CHD8: variants seen among roughly 807,000 people sequenced by gnomAD.
The protein encoded by CHD8 is chromodomain helicase DNA binding protein 8.
CHD8 carries 31 observed loss-of-function variants against 279.2 expected under a neutral mutation model. The ratio of observed to expected loss-of-function variants is 0.11; its 90% CI spans 0.08 to 0.15. CHD8 has a LOEUF of 0.15. CHD8 is among the 10% of genes least tolerant of loss of function. CHD8 has a pLI of 1.00. For synonymous variants in CHD8, 1,081 were observed against 1,139.6 expected (o/e 0.95, Z 1.04); for missense variants, 2,146 against 3,230.5 (o/e 0.66, Z 8.14).
chr14:21,445,634 A>C lies in CHD8; in HGVS notation c.-216+10398T>G, dbSNP rs1324526610. On this transcript the variant is annotated intron_variant, in intron 1 of 37. Transcript: ENST00000646647. ...AATCCAGTAGGCAGAGGCTGCAGTG[A>C]GGCAAAATCGTGCCACTGCACTCCA... Among the ~76,000 whole-genome samples the C allele has an allele frequency of 7.9e-5, 11 of 138,674 alleles. No homozygotes were observed. In the Admixed American group the frequency reaches 8.6e-4, roughly 11 times the overall value. The allele number at this position is 138,674 out of a possible 152,430, so 91.0% of individuals were successfully genotyped here. A position where few individuals can be genotyped will look rare whatever the true frequency, so the allele number is the denominator to read the frequency against.
chr14:21,386,823 C>A (rs1012083328), intron 37 of CHD8, among the ~76,000 whole-genome samples: 1 of 140,250 alleles, frequency 7.1e-6, no homozygotes, highest in East Asian at 2.1e-4. Context: ...TGAGCGACAG[C>A]GAGACTCCGT....
intron 37 of CHD8, among the ~76,000 whole-genome samples, chr14:21,386,535 CA>C (rs1227587303): frequency 6.6e-6 from 1 of 152,132 alleles, no homozygotes; most frequent in East Asian, 1.9e-4. Context: ...TTAGTAAATG[CA>C]CATAAAAAAA....
Position 21,431,865 on chromosome 14 carries a change from T to C in CHD8, c.-215-7A>G. On this transcript the variant is annotated splice_polypyrimidine_tract_variant and splice_region_variant and intron_variant, in intron 1 of 37. Coordinates refer to ENST00000646647, the MANE Select transcript of CHD8 (RefSeq NM_001170629.2). Reference sequence around the variant, plus strand: ...GAGGAAGATGGTGGAACTCCTGTTGTAGGAATACAAATACAAATGAAAAAT... The same window carrying C: ...GAGGAAGATGGTGGAACTCCTGTTGCAGGAATACAAATACAAATGAAAAAT... 1 of 1,596,420 alleles carries C rather than the reference T, an allele frequency of 6.3e-7. No individual in the cohort carries two copies. Among genetic ancestry groups the C allele is most frequent in the Non-Finnish European group, 8.6e-7 (1 of 1,163,888 alleles).
In CHD8 at chr14:21,385,765, G is replaced by C; in HGVS notation, c.7594C>G (p.Pro2532Ala). Residue 2532 changes from proline (P) to alanine (A), a missense_variant, in exon 38 of 38, where the codon CCA (proline) becomes GCA (alanine). Pro to Ala is a conservative substitution (Grantham distance 27, BLOSUM62 -1). Around this residue, in one of 26 missense-constraint regions of CHD8, gnomAD observed 336 missense variants for 392.9 expected, o/e 0.86. Transcript: ENST00000646647. ...TCATCCTCCTCAGGTTGCAGTGGTGGCAACCGCAAGGTAGTACCAGAGGCG... is the reference window on the plus strand; with the variant it reads ...TCATCCTCCTCAGGTTGCAGTGGTGCCAACCGCAAGGTAGTACCAGAGGCG... ...TTASGTTLRL[P>A]PLQPEEDDDE... 2 of 1,550,320 alleles carry C rather than the reference G, an allele frequency of 1.3e-6. No individual in the cohort carries two copies. The highest frequency in any genetic ancestry group is 1.7e-6 in the Non-Finnish European group (2 of 1,146,778).
In CHD8 at chr14:21,403,227, C is replaced by T. The variant is rs1469659113; in HGVS notation, c.3519-15G>A. On this transcript the variant is annotated splice_polypyrimidine_tract_variant and intron_variant, in intron 17 of 37. Transcript: ENST00000646647. This position sits in a 1 kb window ranked among gnomAD's most constrained non-coding sequence, Gnocchi z 4.3. ...CATATAAGTACCTGTATGGGAATCGCAGAAAAAAAATGTAAGTGGCTAAGC... is the reference window on the plus strand; with the variant it reads ...CATATAAGTACCTGTATGGGAATCGTAGAAAAAAAATGTAAGTGGCTAAGC... 1 of 1,605,480 alleles carries T rather than the reference C, an allele frequency of 6.2e-7. No individual in the cohort carries two copies. The highest frequency in any genetic ancestry group is 8.5e-7 in the Non-Finnish European group (1 of 1,176,088).
chr14:21,444,964 A>T (rs1228491500), intron 1 of CHD8, among the ~76,000 whole-genome samples: 2 of 152,114 alleles, frequency 1.3e-5, no homozygotes, highest in East Asian at 3.9e-4. Context: ...TAGACTCTCC[A>T]GTTCCCCCAT....
In CHD8 at chr14:21,395,279, A is replaced by C. The variant is rs923313725; in HGVS notation, c.5182+19T>G. On this transcript the variant is annotated intron_variant, in intron 29 of 37. Coordinates refer to ENST00000646647, the MANE Select transcript of CHD8 (RefSeq NM_001170629.2). ...CCACCACCCCACACAGAATTATACTAGTTGACCTAGAAGTTTACCTTCATC... is the reference window on the plus strand; with the variant it reads ...CCACCACCCCACACAGAATTATACTCGTTGACCTAGAAGTTTACCTTCATC... 1.9e-6 allele frequency: 3 copies of C among 1,587,724 alleles called. No homozygotes were observed. The highest frequency in any genetic ancestry group is 2.6e-6 in the Non-Finnish European group (3 of 1,158,400).
chr14:21,426,153 C>T lies in CHD8; in HGVS notation c.1691G>A (p.Arg564Gln), dbSNP rs910257733. ...DVEVMPAQSP[R>Q]EDEESSIQKR... ...CTGAATGCTGCTTTCTTCATCTTCT[C>T]GAGGTGACTGTGCAGGCATGACTTC... Residue 564 changes from arginine to glutamine, a missense_variant, in exon 5 of 38, where the codon CGA becomes CAA. This residue lies in a region of CHD8 where 123 missense variants were observed against 169.2 expected (regional missense o/e 0.73). Transcript: ENST00000646647. The T allele has an allele frequency of 2.4e-5, 38 of 1,608,420 alleles. No individual in the cohort carries two copies. The highest frequency in any genetic ancestry group is 8.8e-5 in the South Asian group (8 of 90,658).
Position 21,393,669 on chromosome 14 carries a change from C to T in CHD8, c.6126G>A (p.Glu2042=). 6.2e-7 allele frequency: 1 copy of T among 1,613,982 alleles called. No individual in the cohort carries two copies. Among genetic ancestry groups the T allele is most frequent in the African/African-American group, 1.3e-5 (1 of 75,038 alleles). ...ARSRPTPQDY[E]MRVSPSDTTP... is the part of the protein sequence containing the mutation. ...TAGTATCAGAGGGGGATACTCGCATCTCATAGTCTTGTGGGGTTGGTCGGC... is the reference window on the plus strand; with the variant it reads ...TAGTATCAGAGGGGGATACTCGCATTTCATAGTCTTGTGGGGTTGGTCGGC... The change falls in exon 32 of 38, where the codon GAG becomes GAA. Residue 2042 remains glutamate, a synonymous_variant. Coordinates refer to ENST00000646647, the MANE Select transcript of CHD8 (RefSeq NM_001170629.2).
chr14:21,454,019 A>C (rs938299203), intron 1 of CHD8, among the ~76,000 whole-genome samples: 1 of 151,674 alleles, frequency 6.6e-6, no homozygotes, highest in Non-Finnish European at 1.5e-5. Flanking sequence ...TTAGCCAAGC[A>C]TGGTGGCGGG....
intron 1 of CHD8, among the ~76,000 whole-genome samples, chr14:21,433,650 C>T (rs140544643): frequency 2.1e-4 from 32 of 152,280 alleles, no homozygotes; most frequent in Middle Eastern, 3.4e-3. Context: ...AGAACAAACA[C>T]GTGAGTCAAA....
rs754621282 is a variant in CHD8 at position 21,391,514 on chromosome 14, C to G, written c.7014G>C (p.Glu2338Asp). ...ACTCTGGATGACCCTGTAACCACAT[C>G]TCCAGTTCAGCCCGGCGAGGGGCAT... ...GEDAPRRAEL[E>D]MWLQGHPEFA... Residue 2338 changes from glutamate to aspartate, a missense_variant, in exon 36 of 38, where the codon GAG becomes GAC. Transcript: ENST00000646647. 3.7e-6 allele frequency: 6 copies of G among 1,613,960 alleles called. No homozygotes were observed. In the Admixed American group the frequency reaches 8.3e-5, roughly 22 times the overall value.
In CHD8 at chr14:21,443,910, A is replaced by T. The variant is rs141169241; in HGVS notation, c.-215-12052T>A. Among the ~76,000 whole-genome samples the T allele has an allele frequency of 4.4e-3, 664 of 151,996 alleles. 6 individuals are homozygous for T. Among genetic ancestry groups the T allele is most frequent in the African/African-American group, 0.015 (626 of 41,474 alleles). On this transcript the variant is annotated intron_variant, in intron 1 of 37. Transcript: ENST00000646647. ...CTTTAAAATGTCCACTGGATGTAAT[A>T]CTTGAAAGCCTTTCTGATACCTACT...
rs559312679 is a variant in CHD8 at position 21,456,112 on chromosome 14, T to C, written c.-296A>G. 1.3e-5 allele frequency: 2 copies of C among 152,142 alleles called. No individual in the cohort carries two copies. Among genetic ancestry groups the C allele is most frequent in the South Asian group, 2.1e-4 (1 of 4,780 alleles). 9.4% of individuals were successfully genotyped at this position (152,142 alleles called of 1,614,324 possible). A position where few individuals can be genotyped will look rare whatever the true frequency, so the allele number is the denominator to read the frequency against. On this transcript the variant is annotated 5_prime_UTR_variant, in exon 1 of 38. The change abolishes an upstream ATG in the 5' untranslated region. Coordinates refer to ENST00000646647, the MANE Select transcript of CHD8 (RefSeq NM_001170629.2). Reference sequence around the variant, plus strand: ...GAACAAGGCGCCTTCCGGCGGAGCATGGCCAGCCCTCGCCTCAATCTAGCT... The same window carrying C: ...GAACAAGGCGCCTTCCGGCGGAGCACGGCCAGCCCTCGCCTCAATCTAGCT...
rs150205863 is a variant in CHD8 at position 21,400,317 on chromosome 14, G to A, written c.4571-10C>T. 20 of 1,613,672 alleles carry A rather than the reference G, an allele frequency of 1.2e-5. No homozygotes were observed. In the South Asian group the frequency reaches 2.1e-4, roughly 17 times the overall value. Reference sequence around the variant, plus strand: ...ACAGGGATAGATAGACCTGGGAAAGGGGAGACATCAAAGACTTGGATTGAG... The same window carrying A: ...ACAGGGATAGATAGACCTGGGAAAGAGGAGACATCAAAGACTTGGATTGAG... On this transcript the variant is annotated splice_polypyrimidine_tract_variant and intron_variant, in intron 23 of 37. Transcript: ENST00000646647. The surrounding 1 kb of genome is among the most constrained non-coding windows in gnomAD (Gnocchi z 4.2).
intron 3 of CHD8, 45 bp from the exon 4 acceptor site, chr14:21,428,299 A>G: frequency 6.3e-7 from 1 of 1,579,174 alleles, no homozygotes; most frequent in Non-Finnish European, 8.6e-7. Context: ...TTGTAGTTAA[A>G]TGGCCTAAAT....
chr14:21,389,575 C>T (rs1248766835), intron 37 of CHD8, among the ~76,000 whole-genome samples: 1 of 152,110 alleles, frequency 6.6e-6, no homozygotes, highest in East Asian at 1.9e-4. Context: ...TGTGGCACTG[C>T]CCTCCAGCCT....
chr14:21,430,914 G>T lies in CHD8; in HGVS notation c.730C>A (p.Pro244Thr). 6.3e-7 allele frequency: 1 copy of T among 1,599,498 alleles called. No homozygotes were observed. The change falls in exon 2 of 38, where the codon CCA (proline) becomes ACA (threonine). Residue 244 changes from proline to threonine, a missense_variant. Around this residue, in one of 26 missense-constraint regions of CHD8, gnomAD observed 302 missense variants for 325.5 expected, o/e 0.93. Transcript: ENST00000646647. ...GGCTGGAGGACCAGCTGCTTTACTG[G>T]TCGGCTGGGCTGGACAATGCGCTGA... ...AVQRIVQPSR[P>T]VKQLVLQPVK...
intron 1 of CHD8, among the ~76,000 whole-genome samples, chr14:21,442,716 G>A (rs1287330788): frequency 1.2e-5 from 1 of 86,420 alleles, no homozygotes; most frequent in Non-Finnish European, 2.3e-5. Context: ...GAGGAGAGGA[G>A]AAGGGAGGAG....
Sources: gnomAD v4.1 joint callset for allele counts (sites outside exome capture counted in the v4.1 genomes callset) on GRCh38, gnomAD v4.1.1 for gene constraint, gnomAD v4.1.1 regional missense constraint, Gnocchi (gnomAD v3.1) non-coding constraint, MANE v1.5 for transcripts, NCBI Gene and HGNC (gene_info 2026-07-23, HGNC 2026-07-21) for gene names.